Variants in TRPM6 observed in about 807,000 individuals in gnomAD.
TRPM6 encodes transient receptor potential cation channel subfamily M member 6.
A neutral mutation model predicts 247.6 loss-of-function variants in TRPM6; 111 were observed. The ratio of observed to expected loss-of-function variants is 0.45; its 90% CI spans 0.38 to 0.52. TRPM6 has a LOEUF of 0.52. Ranked by LOEUF, TRPM6 falls within the 20% of genes least tolerant of loss-of-function variation. The pLI is 0.00. For synonymous variants in TRPM6, 892 were observed against 853.8 expected (o/e 1.04, Z -0.78); for missense variants, 2,126 against 2,421.5 (o/e 0.88, Z 2.56).
chr9:74,766,026 A>G (rs1826814447), intron 25 of TRPM6, among the ~76,000 whole-genome samples: 1 of 152,242 alleles, frequency 6.6e-6, no homozygotes, highest in Admixed American at 6.5e-5. Context: ...ACTCTCTTCC[A>G]AATATGCTTA....
In TRPM6 at chr9:74,784,450, C is replaced by G. The variant is rs193165627; in HGVS notation, c.2919+1424G>C. Reference sequence around the variant, plus strand: ...ATGTGTATAATAATACTACCTATCTCCTAAAGTTGTTACTAAGATTAAATG... The same window carrying G: ...ATGTGTATAATAATACTACCTATCTGCTAAAGTTGTTACTAAGATTAAATG... On this transcript the variant is annotated intron_variant, in intron 21 of 38. Transcript: ENST00000360774. 2.6e-5 allele frequency among the ~76,000 whole-genome samples: 4 copies of G among 152,136 alleles called. No homozygotes were observed. The East Asian group carries it at 7.7e-4, about 29-fold the overall frequency.
chr9:74,785,786 G>A (rs561230617), intron 21 of TRPM6, 88 bp downstream of exon 21: 160 of 1,491,080 alleles, frequency 1.1e-4, no homozygotes, highest in East Asian at 3.8e-4. Flanking sequence ...GCCTCCCAAA[G>A]TGCTGGGATT....
At position 74,747,214 on chromosome 9, in the gene TRPM6, C is replaced by A. The variant is rs182374261; in HGVS notation, c.5083+675G>T. The stretch of plus-strand genomic sequence containing the variant: ...TGGAGGTGAAGGGTTGGAGTGGTAG[C>A]TTGAAAGCTAGGTAAATCAAGAAAA... On this transcript the variant is annotated intron_variant, in intron 31 of 38. Coordinates refer to ENST00000360774, the MANE Select transcript of TRPM6 (RefSeq NM_017662.5). Among the ~76,000 whole-genome samples, 361 of 152,192 alleles carry A rather than the reference C, an allele frequency of 2.4e-3. 1 individual carries two copies. The highest frequency in any genetic ancestry group is 8.4e-3 in the African/African-American group (347 of 41,532).
In TRPM6 at chr9:74,747,967, G is replaced by C; in HGVS notation, c.5058-53C>G. 2.6e-6 allele frequency: 4 copies of C among 1,558,534 alleles called. No individual in the cohort carries two copies. In the Admixed American group the frequency reaches 6.7e-5, roughly 26 times the overall value. On this transcript the variant is annotated intron_variant, in intron 30 of 38. Coordinates refer to ENST00000360774, the MANE Select transcript of TRPM6 (RefSeq NM_017662.5). ...AGATAATGCTGCCTTAAATCTTACA[G>C]TTATCAAAAAAAGGAAACAGCACAT...
chr9:74,761,509 A>C (rs948357004), intron 27 of TRPM6, among the ~76,000 whole-genome samples, 187 bp downstream of exon 27: 2 of 152,222 alleles, frequency 1.3e-5, no homozygotes, highest in Non-Finnish European at 2.9e-5. Context: ...CAGAGGTTCA[A>C]GGTCAGCCTG....
intron 7 of TRPM6, among the ~76,000 whole-genome samples, chr9:74,824,311 C>T (rs1234813239): frequency 1.3e-5 from 2 of 151,340 alleles, no homozygotes; most frequent in Admixed American, 6.6e-5. Context: ...CCATCATGCC[C>T]GGCTGCTTTT....
intron 8 of TRPM6, 110 bp from the exon 9 acceptor site, chr9:74,820,537 A>G: frequency 7.3e-7 from 1 of 1,364,866 alleles, no homozygotes; most frequent in South Asian, 1.2e-5. Flanking sequence ...GTGTCTATGG[A>G]CAGTTCTGCC....
rs1825954644 is a variant in TRPM6 at position 74,744,123 on chromosome 9, G to A, written c.5106C>T (p.Ser1702=). The A allele has an allele frequency of 6.2e-7, 1 of 1,614,036 alleles. No homozygotes were observed. ...AATAATGATGGTGAGGCTCTTGAGGGCTTTTTAAGGAGGCTGAGATCTCTG... is the reference window on the plus strand; with the variant it reads ...AATAATGATGGTGAGGCTCTTGAGGACTTTTTAAGGAGGCTGAGATCTCTG... ...GVDKISASLK[S]PQEPHHHYSA... is the part of the protein sequence containing the mutation. Residue 1702 remains serine (S), a synonymous_variant, in exon 32 of 39, where the codon AGC becomes AGT. Transcript: ENST00000360774.
chr9:74,871,701 T>C (rs1831036185), intron 1 of TRPM6, among the ~76,000 whole-genome samples: 2 of 152,048 alleles, frequency 1.3e-5, no homozygotes, highest in African/African-American at 4.8e-5. Flanking sequence ...ATAAGCACAA[T>C]AGATGACTTA....
intron 21 of TRPM6, among the ~76,000 whole-genome samples, 160 bp from the exon 22 acceptor site, chr9:74,783,013 A>G (rs1459606497): frequency 6.6e-6 from 1 of 152,158 alleles, no homozygotes; most frequent in Non-Finnish European, 1.5e-5. Flanking sequence ...TCTTTGGCTA[A>G]ACTCTTGTTT....
chr9:74,798,297 T>C (rs150062406), intron 17 of TRPM6, among the ~76,000 whole-genome samples: 3 of 152,194 alleles, frequency 2.0e-5, no homozygotes, highest in Non-Finnish European at 2.9e-5. Context: ...AATTATCTTT[T>C]GTCACCCTGT....
intron 36 of TRPM6, 54 bp downstream of exon 36, chr9:74,738,353 T>A: frequency 6.3e-7 from 1 of 1,595,156 alleles, no homozygotes; most frequent in Non-Finnish European, 8.6e-7. Flanking sequence ...TCTTGCAAGA[T>A]CTCTTTACAC....
intron 1 of TRPM6, among the ~76,000 whole-genome samples, chr9:74,883,604 T>G (rs1192457566): frequency 6.6e-6 from 1 of 152,254 alleles, no homozygotes; most frequent in African/African-American, 2.4e-5. Flanking sequence ...CTGAACATAC[T>G]ATTCAAGAAG....
chr9:74,767,452 G>A (rs1826865727), intron 25 of TRPM6, among the ~76,000 whole-genome samples: 1 of 152,156 alleles, frequency 6.6e-6, no homozygotes, highest in African/African-American at 2.4e-5. Flanking sequence ...GAAGGATATA[G>A]CAATCTCTTC....
At chr9:74,760,988 G>C (rs1826606455) in intron 27 of TRPM6, among the ~76,000 whole-genome samples, 1 of 152,142 alleles carries the variant, frequency 6.6e-6, no homozygotes, top group African/African-American at 2.4e-5. Flanking sequence ...CTACCAGCAA[G>C]AAGTCCCTAC....
chr9:74,792,284 T>C (rs1827930869), intron 19 of TRPM6, among the ~76,000 whole-genome samples: 1 of 152,208 alleles, frequency 6.6e-6, no homozygotes, highest in African/African-American at 2.4e-5. Flanking sequence ...CCAGTGTTTC[T>C]TTCCGTGGAA....
chr9:74,825,940 A>G (rs1829315728), intron 7 of TRPM6, among the ~76,000 whole-genome samples: 1 of 151,890 alleles, frequency 6.6e-6, no homozygotes, highest in Admixed American at 6.6e-5. Flanking sequence ...CCTACCCCGC[A>G]GAAGACCACA....
At chr9:74,821,241 A>G (rs1829119623) in intron 8 of TRPM6, among the ~76,000 whole-genome samples, 1 of 152,186 alleles carries the variant, frequency 6.6e-6, no homozygotes, top group Non-Finnish European at 1.5e-5. Flanking sequence ...AATAAGCACG[A>G]CATATGCTAT....
chr9:74,766,092 T>C (rs983165511), intron 25 of TRPM6, among the ~76,000 whole-genome samples: 5 of 152,206 alleles, frequency 3.3e-5, no homozygotes, highest in African/African-American at 1.2e-4. Context: ...CAGTACAGTC[T>C]GAACACCAGT....
Sources: gnomAD v4.1 joint callset for allele counts (sites outside exome capture counted in the v4.1 genomes callset) on GRCh38, gnomAD v4.1.1 for gene constraint, MANE v1.5 for transcripts, NCBI Gene and HGNC (gene_info 2026-07-23, HGNC 2026-07-21) for gene names.